The following RNF115 variants were observed in gnomAD, a reference collection of about 807,000 sequenced individuals.
RNF115 encodes E3 ubiquitin-protein ligase RNF115.
RNF115 carries 31 observed loss-of-function variants against 39.2 expected under a neutral mutation model. The ratio of observed to expected loss-of-function variants is 0.79; its 90% CI spans 0.59 to 1.07. RNF115 has a LOEUF of 1.07. RNF115 is among the 50% of genes least tolerant of loss of function. RNF115 has a pLI of 0.00. For synonymous variants in RNF115, 124 were observed against 131.0 expected (o/e 0.95, Z 0.37); for missense variants, 384 against 381.7 (o/e 1.01, Z -0.05).
intron 4 of RNF115, among the ~76,000 whole-genome samples, chr1:145,759,119 G>T (rs1451986863): frequency 6.6e-6 from 1 of 152,160 alleles, no homozygotes; most frequent in African/African-American, 2.4e-5. Context: ...TTTCTTCTCA[G>T]TCTCCTTTGC....
chr1:145,793,329 CAA>C (rs1341310623), intron 1 of RNF115, among the ~76,000 whole-genome samples: 1 of 152,034 alleles, frequency 6.6e-6, no homozygotes, highest in African/African-American at 2.4e-5. Context: ...AAAATAATAA[CAA>C]TAATATATGC....
chr1:145,751,440 G>C lies in RNF115; in HGVS notation c.571C>G (p.Gln191Glu). 6.3e-7 allele frequency: 1 copy of C among 1,579,002 alleles called. No homozygotes were observed. Among genetic ancestry groups the C allele is most frequent in the Non-Finnish European group, 8.6e-7 (1 of 1,161,430 alleles). ...ACCCTCAAAAGGCAGCTCCTCACCT[G>C]GGTTACAATGGCATCAAGCCCTGTC... ...GQTGLDAIVT[Q>E]LLGQLENTGP... The change falls in exon 6 of 9, where the codon CAG becomes GAG. Residue 191 changes from glutamine to glutamate, a missense_variant and splice_region_variant. Transcript: ENST00000582693.
rs1254565788 is a variant in RNF115, at chr1:145,744,199, CATG to C, written c.*2664_*2666del. Reference sequence around the variant, plus strand: ...TGACAAGCAAATATGTCCAGGCTGTCATGATTTTTCTGAGACAACTGATATTGT... The same window carrying C: ...TGACAAGCAAATATGTCCAGGCTGTCATTTTTCTGAGACAACTGATATTGT... On this transcript the variant is annotated 3_prime_UTR_variant, in exon 9 of 9. Coordinates refer to ENST00000582693, the MANE Select transcript of RNF115 (RefSeq NM_014455.4). 2 of 152,256 alleles carry C rather than the reference CATG, an allele frequency of 1.3e-5. No homozygotes were observed. The highest frequency in any genetic ancestry group is 2.4e-5 in the African/African-American group (1 of 41,452). 9.4% of individuals were successfully genotyped at this position (152,256 alleles called of 1,614,324 possible).
chr1:145,799,668 A>G (rs9701007), intron 1 of RNF115, among the ~76,000 whole-genome samples: 1 of 152,016 alleles, frequency 6.6e-6, no homozygotes, highest in Non-Finnish European at 1.5e-5. Flanking sequence ...GTGATATGGT[A>G]CGATCTTTGC....
chr1:145,823,976 G>T lies in RNF115; in HGVS notation c.-103C>A, dbSNP rs1200371808. On this transcript the variant is annotated 5_prime_UTR_variant, in exon 1 of 9. Coordinates refer to ENST00000582693, the MANE Select transcript of RNF115 (RefSeq NM_014455.4). ...GTCGCCGCCGCCGCCGCCTCGGTGC[G>T]GCCCACCGCTTCAGAGCCCGCGTCG... 2.4e-6 allele frequency: 2 copies of T among 833,442 alleles called. No homozygotes were observed. The highest frequency in any genetic ancestry group is 4.3e-5 in the Admixed American group (1 of 23,492). 51.6% of individuals were successfully genotyped at this position (833,442 alleles called of 1,614,324 possible). A position where few individuals can be genotyped will look rare whatever the true frequency, so the allele number is the denominator to read the frequency against.
chr1:145,774,887 A>AT (rs1647810669), intron 3 of RNF115, among the ~76,000 whole-genome samples: 1 of 152,060 alleles, frequency 6.6e-6, no homozygotes, highest in Non-Finnish European at 1.5e-5. Flanking sequence ...AACGCAACTG[A>AT]TTTTTGTATA....
intron 2 of RNF115, 76 bp from the exon 3 acceptor site, chr1:145,784,672 C>T: frequency 1.6e-6 from 2 of 1,286,176 alleles, no homozygotes; most frequent in Non-Finnish European, 2.3e-6. Context: ...TATAGAATGG[C>T]ATAATGAGAA....
In RNF115 at chr1:145,823,797, T is replaced by C; in HGVS notation, c.77A>G (p.Lys26Arg). ...AAHRFFCHFC[K>R]GEVSPKLPEY... Reference sequence around the variant, plus strand: ...CGGTAGTTTGGGGCTGACCTCGCCCTTGCAAAAGTGGCAGAAAAACCGGTG... The same window carrying C: ...CGGTAGTTTGGGGCTGACCTCGCCCCTGCAAAAGTGGCAGAAAAACCGGTG... Residue 26 changes from lysine (K) to arginine (R), a missense_variant, in exon 1 of 9, where the codon AAG becomes AGG. Physicochemically the swap from Lys to Arg is conservative, Grantham distance 26 (BLOSUM62 2). Transcript: ENST00000582693. The C allele has an allele frequency of 3.8e-6, 6 of 1,585,050 alleles. No individual in the cohort carries two copies. The highest frequency in any genetic ancestry group is 5.1e-6 in the Non-Finnish European group (6 of 1,168,844).
At chr1:145,811,356 A>AG (rs1649688875) in intron 1 of RNF115, among the ~76,000 whole-genome samples, 1 of 70,952 alleles carries the variant, frequency 1.4e-5, no homozygotes, top group Admixed American at 1.6e-4. Flanking sequence ...CATCACTACC[A>AG]AAAAAAAAAA....
intron 6 of RNF115, among the ~76,000 whole-genome samples, 154 bp from the exon 7 acceptor site, chr1:145,750,654 C>T (rs1477747582): frequency 6.6e-6 from 1 of 152,202 alleles, no homozygotes; most frequent in Non-Finnish European, 1.5e-5. Flanking sequence ...TTCCCCTTTC[C>T]TGCTGCCAGA....
chr1:145,756,994 C>A (rs1487745541), intron 4 of RNF115, among the ~76,000 whole-genome samples: 1 of 151,946 alleles, frequency 6.6e-6, no homozygotes, highest in East Asian at 1.9e-4. Flanking sequence ...GGCCACCACG[C>A]CTGGCTAATT....
In RNF115 at chr1:145,747,002, A is replaced by C. The variant is rs782790110; in HGVS notation, c.784-5T>G. 4 of 1,609,280 alleles carry C rather than the reference A, an allele frequency of 2.5e-6. No individual in the cohort carries two copies. The highest frequency in any genetic ancestry group is 3.4e-5 in the Admixed American group (2 of 59,596). On this transcript the variant is annotated splice_polypyrimidine_tract_variant and splice_region_variant and intron_variant, in intron 8 of 8. Coordinates refer to ENST00000582693, the MANE Select transcript of RNF115 (RefSeq NM_014455.4). ...ACATACAGGACATGTGTCATGCTGA[A>C]ACAGAAAAATATTAGTCTATGTGAA...
rs1186662689 is a variant in RNF115, at chr1:145,815,076, C to T, written c.102+8696G>A. On this transcript the variant is annotated intron_variant, in intron 1 of 8. Transcript: ENST00000582693. ...CTTAGAAAGGTCAGCTGAGCTTAAA[C>T]GGTCACAAAGTCTTTAAGAAATCTG... 3.9e-5 allele frequency among the ~76,000 whole-genome samples: 6 copies of T among 152,354 alleles called. No homozygotes were observed. In the East Asian group the frequency reaches 5.8e-4, roughly 15 times the overall value.
At chr1:145,759,954 T>C (rs937676644) in intron 4 of RNF115, among the ~76,000 whole-genome samples, 4 of 152,226 alleles carry the variant, frequency 2.6e-5, no homozygotes, top group Admixed American at 1.3e-4. Flanking sequence ...CCATATTCCC[T>C]ATCTCCCATC....
At position 145,743,815 on chromosome 1, in the gene RNF115, T is replaced by TAAATA. The variant is rs147619442; in HGVS notation, c.*3050_*3051insTATTT. The TAAATA allele has an allele frequency of 3.0e-4, 1 of 3,324 alleles. No homozygotes were observed. The highest frequency in any genetic ancestry group is 5.3e-4 in the African/African-American group (1 of 1,886). 0.2% of individuals were successfully genotyped at this position (3,324 alleles called of 1,614,324 possible). ...ATAAATAAATAAATAAATAAATAAA[T>TAAATA]AATAATAATAATAATAATAAATCCC... On this transcript the variant is annotated 3_prime_UTR_variant, in exon 9 of 9. Coordinates refer to ENST00000582693, the MANE Select transcript of RNF115 (RefSeq NM_014455.4).
At chr1:145,793,303 C>T (rs144350862) in intron 1 of RNF115, among the ~76,000 whole-genome samples, 3 of 152,218 alleles carry the variant, frequency 2.0e-5, no homozygotes, top group Middle Eastern at 3.4e-3. Context: ...GGTAACACAG[C>T]GAGACCCTGT....
chr1:145,748,543 C>T (rs1314204736), intron 7 of RNF115, among the ~76,000 whole-genome samples: 2 of 152,092 alleles, frequency 1.3e-5, no homozygotes, highest in African/African-American at 2.4e-5. Flanking sequence ...ATCAGTGCAG[C>T]GTCTCAAGCC....
intron 2 of RNF115, among the ~76,000 whole-genome samples, chr1:145,785,974 T>C (rs587673668): frequency 1.2e-4 from 18 of 152,296 alleles, no homozygotes; most frequent in African/African-American, 3.8e-4. Flanking sequence ...ATGTATCCAT[T>C]TGATTGCTCA....
intron 4 of RNF115, among the ~76,000 whole-genome samples, chr1:145,768,616 TA>T (rs1553715341): frequency 6.6e-6 from 1 of 152,090 alleles, no homozygotes; most frequent in Non-Finnish European, 1.5e-5. Flanking sequence ...ACCCGGCCAT[TA>T]AATACAAAGT....
Sources: allele counts gnomAD v4.1 joint callset (sites outside exome capture counted in the v4.1 genomes callset), GRCh38; gene constraint gnomAD v4.1.1; transcripts MANE v1.5; gene names NCBI Gene and HGNC (gene_info 2026-07-23, HGNC 2026-07-21).